The following QTMAN variants were observed in gnomAD, a reference collection of about 807,000 sequenced individuals.
QTMAN encodes tRNA-queuosine alpha-mannosyltransferase.
the QTMAN span, among the ~76,000 whole-genome samples, chr2:143,966,304 A>G: frequency 6.6e-6 from 1 of 152,230 alleles, no homozygotes; most frequent in East Asian, 1.9e-4. Flanking sequence ...GGCAATGCAT[A>G]AAGGGCTGAG....
chr2:144,332,155 T>TG, the QTMAN span, among the ~76,000 whole-genome samples: 1 of 137,018 alleles, frequency 7.3e-6, no homozygotes, highest in South Asian at 2.4e-4. Context: ...CACGACCAGT[T>TG]TGCAGAAGGC....
At chr2:143,986,900 G>A in the QTMAN span, among the ~76,000 whole-genome samples, 4 of 152,082 alleles carry the variant, frequency 2.6e-5, no homozygotes, top group South Asian at 2.1e-4. Context: ...TTTGCAAAGC[G>A]ATGAGTGTAT....
At chr2:144,156,627 G>T in the QTMAN span, among the ~76,000 whole-genome samples, 1 of 151,796 alleles carries the variant, frequency 6.6e-6, no homozygotes, top group Non-Finnish European at 1.5e-5. Flanking sequence ...AAGATCAAAT[G>T]GAGTAAAACA....
chr2:143,951,191 G>A, the QTMAN span, among the ~76,000 whole-genome samples: 1 of 151,486 alleles, frequency 6.6e-6, no homozygotes, highest in African/African-American at 2.4e-5. Flanking sequence ...CTATACTGGA[G>A]TTATGTAAAA....
At chr2:144,206,313 T>C in the QTMAN span, among the ~76,000 whole-genome samples, 1 of 152,120 alleles carries the variant, frequency 6.6e-6, no homozygotes, top group African/African-American at 2.4e-5. Context: ...AAAGCAAAAA[T>C]TTTTCATATC....
the QTMAN span, chr2:143,951,130 T>C: frequency 3.3e-5 from 5 of 152,120 alleles, no homozygotes; most frequent in African/African-American, 1.2e-4. Context: ...AGGTTATATA[T>C]TAACATAGGA....
At chr2:144,025,689 A>C in the QTMAN span, among the ~76,000 whole-genome samples, 1 of 152,168 alleles carries the variant, frequency 6.6e-6, no homozygotes, top group Admixed American at 6.5e-5. Flanking sequence ...AGGTCTCCAC[A>C]GGTATGTCTC....
chr2:144,055,852 A>G, the QTMAN span, among the ~76,000 whole-genome samples: 6,804 of 152,260 alleles, frequency 0.045, 266 homozygotes, highest in East Asian at 0.18. Context: ...GGTAGAAACA[A>G]ATGAAGTTCA....
the QTMAN span, among the ~76,000 whole-genome samples, chr2:144,010,073 A>G: frequency 6.6e-6 from 1 of 150,938 alleles, no homozygotes; most frequent in Non-Finnish European, 1.5e-5. Flanking sequence ...AAAAAAAAAA[A>G]AAAAAGAAAA....
chr2:144,259,922 A>G, the QTMAN span, among the ~76,000 whole-genome samples: 2 of 152,228 alleles, frequency 1.3e-5, no homozygotes, highest in Non-Finnish European at 2.9e-5. Context: ...CTAAAACTAA[A>G]TAACTGTGAA....
chr2:144,283,253 T>G, the QTMAN span, among the ~76,000 whole-genome samples: 1 of 152,194 alleles, frequency 6.6e-6, no homozygotes, highest in Non-Finnish European at 1.5e-5. Context: ...GGGATCAAGC[T>G]CTTAACCTGC....
chr2:143,988,285 C>A, the QTMAN span, among the ~76,000 whole-genome samples: 1 of 152,200 alleles, frequency 6.6e-6, no homozygotes, highest in Non-Finnish European at 1.5e-5. Flanking sequence ...GCAGTGCACA[C>A]TGGCATGAAT....
chr2:143,964,791 C>T, the QTMAN span, among the ~76,000 whole-genome samples: 1 of 152,068 alleles, frequency 6.6e-6, no homozygotes, highest in African/African-American at 2.4e-5. Flanking sequence ...CTGTTCTTAA[C>T]CTCAAATTAA....
the QTMAN span, among the ~76,000 whole-genome samples, chr2:143,959,777 T>A: frequency 6.6e-6 from 1 of 152,096 alleles, no homozygotes; most frequent in Non-Finnish European, 1.5e-5. Flanking sequence ...AAAATCTAAA[T>A]AAATATATCA....
the QTMAN span, among the ~76,000 whole-genome samples, chr2:144,133,153 TATAATATAA>T: frequency 2.4e-5 from 1 of 41,656 alleles, no homozygotes; most frequent in African/African-American, 1.3e-4. Flanking sequence ...ATATATATAA[TATAATATAA>T]TATATATATA....
the QTMAN span, among the ~76,000 whole-genome samples, chr2:144,172,555 C>T: frequency 3.4e-5 from 5 of 145,940 alleles, no homozygotes; most frequent in East Asian, 8.1e-4. Flanking sequence ...ACCTGGGAGC[C>T]GTAAGTTGCA....
At chr2:143,963,397 G>A in the QTMAN span, among the ~76,000 whole-genome samples, 5 of 151,592 alleles carry the variant, frequency 3.3e-5, no homozygotes, top group African/African-American at 1.2e-4. Context: ...TGGGATAAGT[G>A]TATTAGTAAA....
At chr2:144,093,171 T>C in the QTMAN span, among the ~76,000 whole-genome samples, 1 of 152,180 alleles carries the variant, frequency 6.6e-6, no homozygotes, top group African/African-American at 2.4e-5. Context: ...TTTTCAGAGA[T>C]GATTTTTATC....
chr2:144,204,669 T>C, the QTMAN span, among the ~76,000 whole-genome samples: 1 of 152,190 alleles, frequency 6.6e-6, no homozygotes, highest in Non-Finnish European at 1.5e-5. Flanking sequence ...TTATAAATCA[T>C]GCTGGTATAA....
Sources: allele counts gnomAD v4.1 joint callset (sites outside exome capture counted in the v4.1 genomes callset), GRCh38; gene constraint gnomAD v4.1.1; transcripts MANE v1.5; gene names NCBI Gene and HGNC (gene_info 2026-07-23, HGNC 2026-07-21).